Variants in TRPS1 observed in about 807,000 individuals in gnomAD.
The protein encoded by TRPS1 is zinc finger transcription factor Trps1.
In TRPS1, 6 loss-of-function variants were observed where a neutral mutation model predicts 101.2. That is an observed-to-expected ratio of 0.06 (90% CI 0.03 to 0.12). The LOEUF (loss-of-function observed/expected upper bound fraction) is 0.12. Among genes scored for constraint, TRPS1 ranks in the 10% least tolerant of loss-of-function variants. The pLI is 1.00. For synonymous variants in TRPS1, 578 were observed against 589.8 expected, an observed-to-expected ratio of 0.98 and a Z score of 0.29; for missense variants, 1,363 against 1,567.0, an observed-to-expected ratio of 0.87 and a Z score of 2.20.
intron 5 of TRPS1, among the ~76,000 whole-genome samples, chr8:115,534,684 A>G (rs957391316): frequency 3.3e-5 from 5 of 152,222 alleles, no homozygotes; most frequent in Non-Finnish European, 5.9e-5. Flanking sequence ...CTTTTTGAAG[A>G]TCAAGGTATG....
rs775966909 is a variant in TRPS1, at chr8:115,456,246, C to T, written c.2701-37794G>A. On this transcript the variant is annotated intron_variant, in intron 5 of 6. Coordinates refer to ENST00000395715, the MANE Select transcript of TRPS1 (RefSeq NM_014112.5). ...GGAGAAGTAAAAATTAGGTAAATTA[C>T]GCAACGTGTCAAGAACCTCTGTATA... Among the ~76,000 whole-genome samples, 5 of 151,996 alleles carry T rather than the reference C, an allele frequency of 3.3e-5. No homozygotes were observed. The East Asian group carries it at 5.8e-4, about 18-fold the overall frequency.
intron 5 of TRPS1, among the ~76,000 whole-genome samples, chr8:115,493,309 C>G (rs1365970344): frequency 6.6e-6 from 1 of 152,174 alleles, no homozygotes; most frequent in Non-Finnish European, 1.5e-5. Context: ...GCCTTTAAAA[C>G]ATATTGCTAG....
At chr8:115,605,543 C>T (rs1272412009) in intron 3 of TRPS1, among the ~76,000 whole-genome samples, 1 of 152,052 alleles carries the variant, frequency 6.6e-6, no homozygotes, top group African/African-American at 2.4e-5. Flanking sequence ...CTCCAATGAC[C>T]ACCCAAAATG....
intron 5 of TRPS1, among the ~76,000 whole-genome samples, chr8:115,528,398 G>A (rs1816052562): frequency 6.6e-6 from 1 of 152,044 alleles, no homozygotes; most frequent in Non-Finnish European, 1.5e-5. Context: ...GCAGCACTCT[G>A]AGAGAGGTTA....
At chr8:115,609,729 T>G (rs1818120620) in intron 3 of TRPS1, among the ~76,000 whole-genome samples, 1 of 152,204 alleles carries the variant, frequency 6.6e-6, no homozygotes, top group African/African-American at 2.4e-5. Flanking sequence ...AAAGAGTATT[T>G]TAAAGTCTTT....
At chr8:115,507,382 G>A (rs1815472080) in intron 5 of TRPS1, among the ~76,000 whole-genome samples, 1 of 152,040 alleles carries the variant, frequency 6.6e-6, no homozygotes, top group South Asian at 2.1e-4. Context: ...ATTATGCAAG[G>A]TGCTGCCAAT....
intron 5 of TRPS1, among the ~76,000 whole-genome samples, chr8:115,565,117 A>G (rs1817036019): frequency 6.6e-6 from 1 of 152,124 alleles, no homozygotes; most frequent in South Asian, 2.1e-4. Context: ...CTGATTTCTG[A>G]TGTGACAACT....
intron 1 of TRPS1, among the ~76,000 whole-genome samples, chr8:115,640,602 G>C (rs1818873296): frequency 6.6e-6 from 1 of 152,174 alleles, no homozygotes; most frequent in Non-Finnish European, 1.5e-5. Flanking sequence ...AGGTCTTTGG[G>C]AAAAACCCTG....
At chr8:115,563,833 G>C (rs1817005617) in intron 5 of TRPS1, among the ~76,000 whole-genome samples, 2 of 152,044 alleles carry the variant, frequency 1.3e-5, no homozygotes, top group Non-Finnish European at 2.9e-5. Flanking sequence ...CACCTTCTAA[G>C]GGAAATCAAT....
At chr8:115,551,991 G>T (rs1186204145) in intron 5 of TRPS1, among the ~76,000 whole-genome samples, 3 of 152,126 alleles carry the variant, frequency 2.0e-5, no homozygotes, top group Non-Finnish European at 4.4e-5. Context: ...AGACACTAAT[G>T]AGCATCGCTC....
chr8:115,506,935 T>C (rs931624867), intron 5 of TRPS1, among the ~76,000 whole-genome samples: 4 of 152,106 alleles, frequency 2.6e-5, no homozygotes, highest in South Asian at 2.1e-4. Context: ...AGTAAAAAGG[T>C]CAAGAGTCTA....
chr8:115,598,771 C>T (rs1331118610), intron 4 of TRPS1, among the ~76,000 whole-genome samples: 1 of 152,130 alleles, frequency 6.6e-6, no homozygotes, highest in Non-Finnish European at 1.5e-5. Flanking sequence ...ATGTTTTTTC[C>T]AAACTCTGAA....
intron 5 of TRPS1, among the ~76,000 whole-genome samples, chr8:115,533,449 T>G (rs796569014): frequency 7.3e-5 from 9 of 123,338 alleles, no homozygotes; most frequent in African/African-American, 3.7e-4. Context: ...TTTTTTTTTT[T>G]TTTTTTTTTT....
intron 5 of TRPS1, among the ~76,000 whole-genome samples, chr8:115,552,842 C>T (rs1293905693): frequency 6.6e-6 from 1 of 151,926 alleles, no homozygotes. Context: ...CAGCAATTCC[C>T]CCCACCCCCT....
intron 5 of TRPS1, among the ~76,000 whole-genome samples, chr8:115,441,800 C>T (rs1813599248): frequency 6.6e-6 from 1 of 151,120 alleles, no homozygotes. Flanking sequence ...TGAAAAATGG[C>T]CTCATTATCC....
At chr8:115,581,192 A>G (rs991115064) in intron 5 of TRPS1, among the ~76,000 whole-genome samples, 1 of 143,352 alleles carries the variant, frequency 7.0e-6, no homozygotes, top group East Asian at 2.0e-4. Context: ...TGTGGAAGCT[A>G]AAAAAAAAAA....
intron 1 of TRPS1, among the ~76,000 whole-genome samples, chr8:115,640,157 T>A (rs972109104): frequency 2.6e-5 from 4 of 152,254 alleles, no homozygotes; most frequent in Admixed American, 2.0e-4. Context: ...TTTCAAAAAT[T>A]TCCAAGAAAA....
At chr8:115,453,024 C>T (rs1813918198) in intron 5 of TRPS1, among the ~76,000 whole-genome samples, 1 of 151,534 alleles carries the variant, frequency 6.6e-6, no homozygotes. Flanking sequence ...CCTCCACTTT[C>T]AATTTTTTTT....
At chr8:115,562,344 CCTAA>C (rs1816965291) in intron 5 of TRPS1, among the ~76,000 whole-genome samples, 1 of 151,806 alleles carries the variant, frequency 6.6e-6, no homozygotes. Context: ...CATCAATTTT[CCTAA>C]CTTTTTTCAA....
Sources: gnomAD v4.1 joint callset for allele counts (sites outside exome capture counted in the v4.1 genomes callset) on GRCh38, gnomAD v4.1.1 for gene constraint, MANE v1.5 for transcripts, NCBI Gene and HGNC (gene_info 2026-07-23, HGNC 2026-07-21) for gene names.